Variants in RNLS observed in about 807,000 individuals in gnomAD.
RNLS encodes the protein renalase, FAD dependent amine oxidase.
RNLS carries 39 observed loss-of-function variants against 39.8 expected under a neutral mutation model. The observed-to-expected ratio is 0.98, with a 90% CI of 0.76 to 1.28. The LOEUF (loss-of-function observed/expected upper bound fraction) is 1.28. RNLS is among the 50% of genes most tolerant of loss of function. The pLI is 0.00. For synonymous variants in RNLS, 147 were observed against 150.7 expected (o/e 0.98, Z 0.18); for missense variants, 410 against 413.3 (o/e 0.99, Z 0.07).
chr10:88,439,110 C>T lies in RNLS; in HGVS notation c.527-76385G>A, dbSNP rs139214839. 6.6e-5 allele frequency among the ~76,000 whole-genome samples: 10 copies of T among 152,180 alleles called. No individual in the cohort carries two copies. In the East Asian group the frequency reaches 1.9e-3, roughly 29 times the overall value. On this transcript the variant is annotated intron_variant, in intron 4 of 6. Transcript: ENST00000331772. Reference sequence around the variant, plus strand: ...TATTACATCTCGTTTTGTTTATTTCCCCTTTCTCATATATCAAAACCCATT... The same window carrying T: ...TATTACATCTCGTTTTGTTTATTTCTCCTTTCTCATATATCAAAACCCATT...
At chr10:88,183,511 C>T in the RNLS span, among the ~76,000 whole-genome samples, 6 of 152,172 alleles carry the variant, frequency 3.9e-5, no homozygotes, top group East Asian at 3.9e-4. Flanking sequence ...ATTAAAGTGT[C>T]GTTTGAACTG....
At chr10:88,518,796 G>A (rs1846544702) in intron 4 of RNLS, among the ~76,000 whole-genome samples, 1 of 151,984 alleles carries the variant, frequency 6.6e-6, no homozygotes, top group South Asian at 2.1e-4. Context: ...TATCGCTGCT[G>A]TTAATACAAT....
the RNLS span, among the ~76,000 whole-genome samples, chr10:88,230,764 G>A: frequency 0.72 from 110,219 of 152,172 alleles, 40,282 homozygotes; most frequent in East Asian, 0.81. Flanking sequence ...TTGAGATGTT[G>A]TGTGTCAGTG....
chr10:88,414,458 T>C (rs1384210677), intron 4 of RNLS, among the ~76,000 whole-genome samples: 1 of 152,198 alleles, frequency 6.6e-6, no homozygotes, highest in Non-Finnish European at 1.5e-5. Context: ...CTTATCAGAT[T>C]CTTGAAGAAG....
intron 3 of RNLS, among the ~76,000 whole-genome samples, chr10:88,576,062 T>C (rs1373147975): frequency 6.6e-6 from 1 of 152,170 alleles, no homozygotes. Context: ...CATGAAAATA[T>C]CAGTTCCTCA....
intron 4 of RNLS, among the ~76,000 whole-genome samples, chr10:88,374,943 C>T (rs573941978): frequency 6.6e-6 from 1 of 152,192 alleles, no homozygotes; most frequent in South Asian, 2.1e-4. Flanking sequence ...CCTACTATAA[C>T]CACAAATGAC....
intron 4 of RNLS, among the ~76,000 whole-genome samples, chr10:88,435,609 C>T (rs1290633564): frequency 6.6e-6 from 1 of 152,118 alleles, no homozygotes; most frequent in Non-Finnish European, 1.5e-5. Context: ...ATTAATGCAT[C>T]TGGAATTAGA....
intron 4 of RNLS, among the ~76,000 whole-genome samples, chr10:88,541,464 G>A (rs188786955): frequency 3.5e-4 from 54 of 152,128 alleles, no homozygotes; most frequent in Admixed American, 2.9e-3. Context: ...TTATTAATAC[G>A]TAGTATGTTA....
At chr10:88,482,085 T>C (rs902006881) in intron 4 of RNLS, among the ~76,000 whole-genome samples, 10 of 152,308 alleles carry the variant, frequency 6.6e-5, no homozygotes, top group Non-Finnish European at 1.2e-4. Flanking sequence ...GATTTTCTCA[T>C]TTTCTTTGGC....
chr10:88,387,304 G>T (rs1235793893), intron 4 of RNLS, among the ~76,000 whole-genome samples: 1 of 152,090 alleles, frequency 6.6e-6, no homozygotes, highest in Non-Finnish European at 1.5e-5. Flanking sequence ...TTTAGAAGTA[G>T]ACCTGAAGCC....
the RNLS span, among the ~76,000 whole-genome samples, chr10:88,231,742 A>G: frequency 6.6e-6 from 1 of 152,228 alleles, no homozygotes; most frequent in Non-Finnish European, 1.5e-5. Context: ...AGTAGCTACA[A>G]ATAGAGACAG....
chr10:88,226,738 CTTTTTTTTTTTTTTT>C, the RNLS span, among the ~76,000 whole-genome samples: 74 of 69,472 alleles, frequency 1.1e-3, no homozygotes, highest in African/African-American at 3.8e-3. Context: ...TCTCCCTTCA[CTTTTTTTTTTTTTTT>C]TTTTTTTTTT....
At chr10:88,385,384 T>C (rs1782298840) in intron 4 of RNLS, among the ~76,000 whole-genome samples, 1 of 152,244 alleles carries the variant, frequency 6.6e-6, no homozygotes, top group Non-Finnish European at 1.5e-5. Flanking sequence ...TTACACTCAC[T>C]AAATTCTTCA....
chr10:88,293,144 A>G (rs1012628361), intron 6 of RNLS, among the ~76,000 whole-genome samples: 10 of 152,124 alleles, frequency 6.6e-5, no homozygotes, highest in Non-Finnish European at 1.5e-4. Flanking sequence ...GAGAAATGCT[A>G]TTGTTTACTG....
the RNLS span, among the ~76,000 whole-genome samples, chr10:88,192,524 A>G: frequency 8.5e-5 from 13 of 152,318 alleles, no homozygotes; most frequent in Non-Finnish European, 1.5e-4. Flanking sequence ...GAATTTTGAA[A>G]CTTCATCAGA....
chr10:88,232,966 C>T, the RNLS span, among the ~76,000 whole-genome samples: 1 of 152,332 alleles, frequency 6.6e-6, no homozygotes, highest in Admixed American at 6.5e-5. Flanking sequence ...TCCTGTGTTA[C>T]TCTCAACTCA....
chr10:88,272,209 T>G (rs1364544970), downstream of RNLS, among the ~76,000 whole-genome samples: 1 of 152,092 alleles, frequency 6.6e-6, no homozygotes, highest in Non-Finnish European at 1.5e-5. Context: ...CTAGCAATGG[T>G]TTTCCATCTG....
chr10:88,289,453 C>T (rs1286835779), intron 6 of RNLS, among the ~76,000 whole-genome samples: 1 of 152,180 alleles, frequency 6.6e-6, no homozygotes, highest in East Asian at 1.9e-4. Flanking sequence ...AAGTAAATTG[C>T]TCATCCTTCA....
At chr10:88,424,127 C>T (rs1383929539) in intron 4 of RNLS, among the ~76,000 whole-genome samples, 1 of 152,196 alleles carries the variant, frequency 6.6e-6, no homozygotes, top group Non-Finnish European at 1.5e-5. Flanking sequence ...ACTTTGTTAA[C>T]TCTCTGAATC....
Sources: allele counts gnomAD v4.1 joint callset (sites outside exome capture counted in the v4.1 genomes callset), GRCh38; gene constraint gnomAD v4.1.1; transcripts MANE v1.5; gene names NCBI Gene and HGNC (gene_info 2026-07-23, HGNC 2026-07-21).